AGBL4: variants seen among roughly 807,000 people sequenced by gnomAD.
AGBL4 encodes the protein cytosolic carboxypeptidase 6.
AGBL4 carries 58 observed loss-of-function variants against 66.4 expected under a neutral mutation model. The ratio of observed to expected loss-of-function variants is 0.87; its 90% CI spans 0.71 to 1.09. The LOEUF (loss-of-function observed/expected upper bound fraction) is 1.09, where lower values mean the gene tolerates loss of function less well. Ranked by LOEUF, AGBL4 falls within the 50% of genes least tolerant of loss-of-function variation. The pLI, the probability that AGBL4 is intolerant of heterozygous loss-of-function variation, is 0.00. For missense variants in AGBL4, 579 were observed against 631.0 expected (o/e 0.92, Z 0.88); for synonymous variants, 234 against 222.9 (o/e 1.05, Z -0.44).
At chr1:49,816,491 A>G (rs1645234980) in intron 2 of AGBL4, among the ~76,000 whole-genome samples, 1 of 152,152 alleles carries the variant, frequency 6.6e-6, no homozygotes. Flanking sequence ...AGCGATTGGT[A>G]AAAATGAAAA....
chr1:50,016,552 A>T (rs1661999523), intron 1 of AGBL4, among the ~76,000 whole-genome samples: 1 of 152,190 alleles, frequency 6.6e-6, no homozygotes, highest in Non-Finnish European at 1.5e-5. Flanking sequence ...ACAGAGTGTG[A>T]CTTTGTCTCA....
intron 1 of AGBL4, among the ~76,000 whole-genome samples, chr1:50,002,818 T>C (rs1660864609): frequency 2.6e-5 from 4 of 152,216 alleles, no homozygotes; most frequent in Admixed American, 2.6e-4. Context: ...TACAGGATGC[T>C]AAGAGCCTCA....
intron 3 of AGBL4, among the ~76,000 whole-genome samples, chr1:49,540,434 G>C (rs946952819): frequency 1.6e-4 from 25 of 152,118 alleles, no homozygotes; most frequent in Non-Finnish European, 3.2e-4. Context: ...TGGCATTTTT[G>C]CTACAGTTAC....
intron 2 of AGBL4, among the ~76,000 whole-genome samples, chr1:49,784,277 T>C (rs537819070): frequency 1.7e-4 from 26 of 152,220 alleles, no homozygotes; most frequent in Admixed American, 5.9e-4. Context: ...GACATAAGAA[T>C]AGACATCTAT....
chr1:49,374,189 T>C (rs939417392), intron 3 of AGBL4: 4 of 151,982 alleles, frequency 2.6e-5, no homozygotes, highest in Non-Finnish European at 5.9e-5. Context: ...ACTCTATCAC[T>C]TCAAAAGTTT....
At chr1:49,665,086 A>AATTGTC (rs1408052020) in intron 3 of AGBL4, among the ~76,000 whole-genome samples, 1 of 152,150 alleles carries the variant, frequency 6.6e-6, no homozygotes, top group East Asian at 1.9e-4. Flanking sequence ...ATTGTTTGAA[A>AATTGTC]TATTTTGTCT....
chr1:49,814,675 T>C (rs1645188142), intron 2 of AGBL4, among the ~76,000 whole-genome samples: 1 of 152,104 alleles, frequency 6.6e-6, no homozygotes, highest in South Asian at 2.1e-4. Flanking sequence ...GTTCCTCCCA[T>C]CTCACATGTA....
At chr1:49,911,519 G>A (rs867132708) in intron 1 of AGBL4, among the ~76,000 whole-genome samples, 1 of 152,164 alleles carries the variant, frequency 6.6e-6, no homozygotes, top group Admixed American at 6.5e-5. Context: ...ACAAACTTGG[G>A]ACATCACCAA....
chr1:49,260,332 A>T (rs1653005249), intron 3 of AGBL4, among the ~76,000 whole-genome samples: 1 of 150,726 alleles, frequency 6.6e-6, no homozygotes, highest in African/African-American at 2.4e-5. Flanking sequence ...GGAAATAGAG[A>T]CACAAAAAAC....
chr1:49,886,322 C>T (rs1648034564), intron 1 of AGBL4, among the ~76,000 whole-genome samples: 1 of 152,040 alleles, frequency 6.6e-6, no homozygotes, highest in Admixed American at 6.6e-5. Flanking sequence ...GAGCATGCCA[C>T]CTGAACTACC....
chr1:48,950,064 C>T (rs1429913214), intron 5 of AGBL4, among the ~76,000 whole-genome samples: 2 of 152,106 alleles, frequency 1.3e-5, no homozygotes, highest in South Asian at 2.1e-4. Context: ...TCATACCTGA[C>T]AACAATCTGG....
chr1:48,798,113 C>A (rs374817265), intron 6 of AGBL4, among the ~76,000 whole-genome samples: 2 of 152,120 alleles, frequency 1.3e-5, no homozygotes, highest in South Asian at 2.1e-4. Flanking sequence ...AAAGTGTCCT[C>A]TTTTTACCAC....
At chr1:49,956,032 A>G (rs1034313293) in intron 1 of AGBL4, among the ~76,000 whole-genome samples, 4 of 151,894 alleles carry the variant, frequency 2.6e-5, no homozygotes, top group African/African-American at 9.7e-5. Flanking sequence ...TTTGTCATAT[A>G]TTCTCTTATA....
rs1648267261 is a variant in AGBL4 at position 49,717,738 on chromosome 1, C to A, written c.158-20301G>T. 3.3e-5 allele frequency among the ~76,000 whole-genome samples: 5 copies of A among 152,120 alleles called. No individual in the cohort carries two copies. In the South Asian group the frequency reaches 1.0e-3, roughly 32 times the overall value. On this transcript the variant is annotated intron_variant, in intron 2 of 13. Coordinates refer to ENST00000371839, the MANE Select transcript of AGBL4 (RefSeq NM_032785.4). ...CTTGTTTTGTTTATTGTTATATCGG[C>A]AGCACCTGTAGTAGTGTCTGGCCTA...
At chr1:49,878,742 C>T (rs890655604) in intron 1 of AGBL4, among the ~76,000 whole-genome samples, 5 of 149,514 alleles carry the variant, frequency 3.3e-5, no homozygotes, top group Admixed American at 1.3e-4. Flanking sequence ...GTTGATCTGT[C>T]TAATGTTGAC....
At chr1:48,881,669 C>CT (rs1015285886) in intron 5 of AGBL4, among the ~76,000 whole-genome samples, 1 of 151,928 alleles carries the variant, frequency 6.6e-6, no homozygotes, top group African/African-American at 2.4e-5. Context: ...CTCTGATCTC[C>CT]CCCCTCCACT....
At chr1:49,689,559 T>C (rs1279351200) in intron 3 of AGBL4, among the ~76,000 whole-genome samples, 1 of 152,214 alleles carries the variant, frequency 6.6e-6, no homozygotes, top group Non-Finnish European at 1.5e-5. Context: ...CTTCTGGGTC[T>C]ATTGTGGCTC....
chr1:48,889,431 A>C (rs1455845044), intron 5 of AGBL4, among the ~76,000 whole-genome samples: 1 of 152,240 alleles, frequency 6.6e-6, no homozygotes, highest in Non-Finnish European at 1.5e-5. Context: ...AAGAATTCTG[A>C]TAGCAATAAA....
intron 6 of AGBL4, among the ~76,000 whole-genome samples, chr1:48,726,158 C>A (rs1321631181): frequency 6.6e-6 from 1 of 152,190 alleles, no homozygotes; most frequent in East Asian, 1.9e-4. Flanking sequence ...AAACATTACG[C>A]AAAGCACTTT....
Sources: allele counts gnomAD v4.1 joint callset (sites outside exome capture counted in the v4.1 genomes callset), GRCh38; gene constraint gnomAD v4.1.1; transcripts MANE v1.5; gene names NCBI Gene and HGNC (gene_info 2026-07-23, HGNC 2026-07-21).